Variants in IPO9 observed in about 807,000 individuals in gnomAD.
IPO9 encodes the protein importin-9.
Under a neutral mutation model 128.6 loss-of-function variants are expected in IPO9, and 28 were observed. The ratio of observed to expected loss-of-function variants is 0.22; its 90% confidence interval spans 0.16 to 0.30. IPO9 has a LOEUF of 0.30. IPO9 is among the 10% of genes least tolerant of loss of function. The pLI, the probability that IPO9 is intolerant of heterozygous loss-of-function variation, is 1.00. For missense variants in IPO9, 935 were observed against 1,293.9 expected (o/e 0.72, Z 4.26); for synonymous variants, 455 against 475.8 (o/e 0.96, Z 0.57).
rs769567404 is a variant in IPO9, at chr1:201,855,566, TTTCTGA to T, written c.971-212_971-207del. Among the ~76,000 whole-genome samples the T allele has an allele frequency of 4.9e-4, 75 of 152,364 alleles. 1 individual carries two copies. Among genetic ancestry groups the T allele is most frequent in the Non-Finnish European group, 2.6e-4 (18 of 68,032 alleles). On this transcript the variant is annotated intron_variant, in intron 9 of 23. Transcript: ENST00000361565. ...GACATACTGGAAAATATATCCAGTG[TTTCTGA>T]TTCTTTTACTTGAAAAACCAAAGAA...
chr1:201,872,438 C>T (rs1680670420), intron 19 of IPO9, among the ~76,000 whole-genome samples: 1 of 151,722 alleles, frequency 6.6e-6, no homozygotes, highest in Non-Finnish European at 1.5e-5. Context: ...CCTGTGTCTA[C>T]CAAAAAAATA....
At chr1:201,830,117 T>C (rs1348813413) in intron 1 of IPO9, among the ~76,000 whole-genome samples, 1 of 152,208 alleles carries the variant, frequency 6.6e-6, no homozygotes, top group Non-Finnish European at 1.5e-5. Context: ...TTTCTATCAA[T>C]TTCCTGCCGC....
At chr1:201,834,482 T>A (rs1463814847) in intron 1 of IPO9, among the ~76,000 whole-genome samples, 2 of 152,208 alleles carry the variant, frequency 1.3e-5, no homozygotes, top group Non-Finnish European at 2.9e-5. Context: ...ATTCGTGCTT[T>A]ATTTTTTTAT....
At chr1:201,830,210 G>A (rs930636378) in intron 1 of IPO9, among the ~76,000 whole-genome samples, 4 of 152,186 alleles carry the variant, frequency 2.6e-5, no homozygotes, top group Non-Finnish European at 5.9e-5. Flanking sequence ...CTTGGTCTTT[G>A]TGTAAGAAAT....
intron 1 of IPO9, among the ~76,000 whole-genome samples, chr1:201,846,877 C>G (rs1680132695): frequency 6.6e-6 from 1 of 152,138 alleles, no homozygotes; most frequent in African/African-American, 2.4e-5. Flanking sequence ...CCATGTTGGC[C>G]AAGGTGATCT....
In IPO9 at chr1:201,883,179, C is replaced by A. The variant is rs1282769175; in HGVS notation, c.*7125C>A. ...ATTTGCTTTCACTAGATTCCCCCCC[C>A]CCCAACAACTTAGTCCAAGAACATA... On this transcript the variant is annotated 3_prime_UTR_variant, in exon 24 of 24. Transcript: ENST00000361565. 2 of 149,008 alleles carry A rather than the reference C, an allele frequency of 1.3e-5. No individual in the cohort carries two copies. The highest frequency in any genetic ancestry group is 6.7e-5 in the Admixed American group (1 of 14,948). 9.2% of individuals were successfully genotyped at this position (149,008 alleles called of 1,614,324 possible).
In IPO9 at chr1:201,874,336, G is replaced by A; in HGVS notation, c.2797G>A (p.Ala933Thr). ...GCTCTCCAACGTCATGGAGGCTAAT[G>A]CCGCTCGCCAGGCCACTCCTGCAGA... The part of the protein sequence containing the change: ...NELSNVMEAN[A>T]ARQATPAEWS... The change falls in exon 21 of 24, where the codon GCC becomes ACC. Residue 933 changes from alanine to threonine, a missense_variant. Transcript: ENST00000361565. 1 of 1,614,050 alleles carries A rather than the reference G, an allele frequency of 6.2e-7. No homozygotes were observed. Among genetic ancestry groups the A allele is most frequent in the Non-Finnish European group, 8.5e-7 (1 of 1,179,968 alleles).
At chr1:201,851,320 A>G (rs1441906620) in intron 4 of IPO9, among the ~76,000 whole-genome samples, 2 of 151,714 alleles carry the variant, frequency 1.3e-5, no homozygotes, top group Admixed American at 1.3e-4. Context: ...CCCGGCCCAT[A>G]TGTCCATTTC....
chr1:201,858,575 G>A lies in IPO9; in HGVS notation c.1328+22G>A, dbSNP rs773833615. 3.7e-6 allele frequency: 5 copies of A among 1,357,306 alleles called. No individual in the cohort carries two copies. In the East Asian group the frequency reaches 1.2e-4, roughly 32 times the overall value. The allele number at this position is 1,357,306 out of a possible 1,614,324, so 84.1% of individuals were successfully genotyped here. A position where few individuals can be genotyped will look rare whatever the true frequency, so the allele number is the denominator to read the frequency against. ...ACTGGTAAGAGTGAGCCGCTAATTG[G>A]TTAAGATGCTTTTGTTTACCCCTTC... On this transcript the variant is annotated intron_variant, in intron 12 of 23. Transcript: ENST00000361565.
chr1:201,840,745 A>G (rs1680020743), intron 1 of IPO9, among the ~76,000 whole-genome samples: 1 of 152,214 alleles, frequency 6.6e-6, no homozygotes, highest in Admixed American at 6.5e-5. Flanking sequence ...GGAAATCCCA[A>G]GATATAATGT....
At chr1:201,831,935 T>C (rs1679841803) in intron 1 of IPO9, among the ~76,000 whole-genome samples, 1 of 152,078 alleles carries the variant, frequency 6.6e-6, no homozygotes, top group African/African-American at 2.4e-5. Flanking sequence ...AGAGTCTCAG[T>C]CTGTCGCCCA....
intron 1 of IPO9, among the ~76,000 whole-genome samples, chr1:201,845,085 C>T (rs184140604): frequency 2.6e-5 from 4 of 152,122 alleles, no homozygotes; most frequent in South Asian, 2.1e-4. Flanking sequence ...GGCGCAATCT[C>T]GGCTCATCGC....
intron 1 of IPO9, among the ~76,000 whole-genome samples, chr1:201,838,413 T>C (rs1208131743): frequency 6.6e-6 from 1 of 152,230 alleles, no homozygotes; most frequent in Non-Finnish European, 1.5e-5. Flanking sequence ...CTCATCTGTG[T>C]TTTAGAATCA....
chr1:201,862,450 T>C (rs924361984), intron 13 of IPO9, among the ~76,000 whole-genome samples: 1 of 146,100 alleles, frequency 6.8e-6, no homozygotes, highest in Non-Finnish European at 1.5e-5. Context: ...AGAGCAAGAC[T>C]CCATCTCAAA....
At chr1:201,871,051 A>T in intron 18 of IPO9, 110 bp from the exon 19 acceptor site, 1 of 1,279,482 alleles carries the variant, frequency 7.8e-7, no homozygotes, top group African/African-American at 1.5e-5. Flanking sequence ...TGTCCTGTGG[A>T]TAATACCCTC....
chr1:201,856,887 A>G (rs1382902502), intron 10 of IPO9, among the ~76,000 whole-genome samples: 4 of 152,060 alleles, frequency 2.6e-5, no homozygotes, highest in African/African-American at 7.2e-5. Flanking sequence ...GGGTCTCACT[A>G]TGTTGCCCAG....
Position 201,881,073 on chromosome 1 carries a change from G to A in IPO9, c.*5019G>A, listed in dbSNP as rs1384702016. 1.3e-5 allele frequency: 2 copies of A among 152,196 alleles called. No homozygotes were observed. Among genetic ancestry groups the A allele is most frequent in the Non-Finnish European group, 2.9e-5 (2 of 68,036 alleles). 9.4% of individuals were successfully genotyped at this position (152,196 alleles called of 1,614,324 possible). On this transcript the variant is annotated 3_prime_UTR_variant, in exon 24 of 24. Transcript: ENST00000361565. Reference sequence around the variant, plus strand: ...ATCTGTAGTATAATAAATGTGGGGAGTGCTGTGAGAGAAATAAGTGTACTG... The same window carrying A: ...ATCTGTAGTATAATAAATGTGGGGAATGCTGTGAGAGAAATAAGTGTACTG...
intron 21 of IPO9, 103 bp downstream of exon 21, chr1:201,874,475 A>AT: frequency 7.4e-7 from 1 of 1,346,214 alleles, no homozygotes; most frequent in Non-Finnish European, 1.0e-6. Context: ...TGAAAAAAAA[A>AT]GTTGATGGAA....
chr1:201,836,695 G>GTA (rs1401347032), intron 1 of IPO9, among the ~76,000 whole-genome samples: 1 of 152,168 alleles, frequency 6.6e-6, no homozygotes, highest in Admixed American at 6.5e-5. Flanking sequence ...TTTCTAGTAG[G>GTA]TATGTGGTCT....
Sources: allele counts gnomAD v4.1 joint callset (sites outside exome capture counted in the v4.1 genomes callset), GRCh38; gene constraint gnomAD v4.1.1; transcripts MANE v1.5; gene names NCBI Gene and HGNC (gene_info 2026-07-23, HGNC 2026-07-21).